The following LEMD2 variants were observed in gnomAD, a reference collection of about 807,000 sequenced individuals.
LEMD2 encodes the protein LEM domain nuclear envelope protein 2.
Under a neutral mutation model 58.8 loss-of-function variants are expected in LEMD2, and 34 were observed. That is an observed-to-expected ratio of 0.58 (90% CI 0.44 to 0.77). The LOEUF is 0.77. LEMD2 is among the 30% of genes least tolerant of loss of function. The pLI is 0.00. For synonymous variants in LEMD2, 298 were observed against 308.9 expected, an observed-to-expected ratio of 0.96 and a Z score of 0.37; for missense variants, 629 against 717.9, an observed-to-expected ratio of 0.88 and a Z score of 1.42.
Position 33,781,157 on chromosome 6 carries a change from G to A in LEMD2, c.854-4C>T. The A allele has an allele frequency of 6.3e-7, 1 of 1,589,908 alleles. No homozygotes were observed. The highest frequency in any genetic ancestry group is 1.1e-5 in the South Asian group (1 of 89,934). On this transcript the variant is annotated splice_polypyrimidine_tract_variant and splice_region_variant and intron_variant, in intron 3 of 8. Transcript: ENST00000293760. ...GGATTTCCACACTCAAAATTACCTA[G>A]GAGAAAAAAAACCACACATGCTCAA...
At position 33,788,456 on chromosome 6, in the gene LEMD2, GCCC is replaced by G. The variant is rs1561929027; in HGVS notation, c.658_660del (p.Gly220del). 1.3e-6 allele frequency: 2 copies of G among 1,572,666 alleles called. No individual in the cohort carries two copies. The highest frequency in any genetic ancestry group is 8.6e-7 in the Non-Finnish European group (1 of 1,160,488). The stretch of plus-strand genomic sequence containing the variant: ...AGGATGCCCAGGAAGACGAGCAGTA[GCCC>G]TAGGCTGGCCCAGAGCAGAAGCCGA... On this transcript the variant is annotated inframe_deletion, in exon 1 of 9. Coordinates refer to ENST00000293760, the MANE Select transcript of LEMD2 (RefSeq NM_181336.4).
intron 2 of LEMD2, among the ~76,000 whole-genome samples, chr6:33,785,163 G>A (rs141863508): frequency 9.0e-4 from 137 of 152,248 alleles, no homozygotes; most frequent in African/African-American, 1.1e-3. Flanking sequence ...TCAAATGCCC[G>A]TCTGTGATCT....
chr6:33,779,907 G>C, intron 5 of LEMD2, 193 bp downstream of exon 5: 1 of 557,324 alleles, frequency 1.8e-6, no homozygotes, highest in Non-Finnish European at 3.2e-6. Flanking sequence ...TCTTGAAGCT[G>C]CTCCTTACAC....
intron 2 of LEMD2, chr6:33,784,703 G>C (rs936506315): frequency 1.1e-4 from 41 of 363,032 alleles, no homozygotes; most frequent in Non-Finnish European, 2.1e-5. Flanking sequence ...CCTGGCTCCT[G>C]CCTTTCCCTT....
At chr6:33,780,679 C>G (rs1392163044) in intron 4 of LEMD2, among the ~76,000 whole-genome samples, 2 of 152,218 alleles carry the variant, frequency 1.3e-5, no homozygotes, top group Non-Finnish European at 2.9e-5. Flanking sequence ...GTTCTATAAT[C>G]TACCATCCTG....
intron 8 of LEMD2, among the ~76,000 whole-genome samples, chr6:33,775,486 T>C (rs1767409085): frequency 6.6e-6 from 1 of 152,048 alleles, no homozygotes; most frequent in African/African-American, 2.4e-5. Flanking sequence ...CCCACTAATA[T>C]CTATTTTTTG....
rs1767487079 is a variant in LEMD2, at chr6:33,778,395, A to G, written c.1011-8T>C. ...TGGTCTTCTCCTTTCAACCTGAAAC[A>G]GGACACAGGGCTCTGAACATGTTGG... On this transcript the variant is annotated splice_polypyrimidine_tract_variant and splice_region_variant and intron_variant, in intron 5 of 8. Coordinates refer to ENST00000293760, the MANE Select transcript of LEMD2 (RefSeq NM_181336.4). This position sits in a 1 kb window ranked among gnomAD's most constrained non-coding sequence, Gnocchi z 4.7. 6.5e-7 allele frequency: 1 copy of G among 1,535,506 alleles called. No individual in the cohort carries two copies. The highest frequency in any genetic ancestry group is 8.8e-7 in the Non-Finnish European group (1 of 1,136,348).
At position 33,772,622 on chromosome 6, in the gene LEMD2, C is replaced by T. The variant is rs369260109; in HGVS notation, c.*6G>A. On this transcript the variant is annotated 3_prime_UTR_variant, in exon 9 of 9. Coordinates refer to ENST00000293760, the MANE Select transcript of LEMD2 (RefSeq NM_181336.4). ...GGCTGACCGGGAACAAGTCCCCGCC[C>T]GGGGCTTATCGCTCTGAGTCAGAGA... The T allele has an allele frequency of 4.7e-5, 76 of 1,612,078 alleles. No homozygotes were observed. The African/African-American group carries it at 5.7e-4, about 12-fold the overall frequency.
At position 33,778,156 on chromosome 6, in the gene LEMD2, G is replaced by A. The variant is rs574198358; in HGVS notation, c.1156+86C>T. 59 of 1,342,216 alleles carry A rather than the reference G, an allele frequency of 4.4e-5. 1 individual carries two copies. The highest frequency in any genetic ancestry group is 2.0e-4 in the Middle Eastern group (1 of 4,886). 83.1% of individuals were successfully genotyped at this position (1,342,216 alleles called of 1,614,324 possible). The stretch of plus-strand genomic sequence containing the variant: ...TTCACTAGACAGAAATGAACCCTCC[G>A]GGCCTGGAATTTCTATAGCTCATCA... On this transcript the variant is annotated intron_variant, in intron 6 of 8. Coordinates refer to ENST00000293760, the MANE Select transcript of LEMD2 (RefSeq NM_181336.4). The surrounding 1 kb of genome is among the most constrained non-coding windows in gnomAD (Gnocchi z 4.7).
At chr6:33,783,674 A>G (rs1257004656) in intron 3 of LEMD2, among the ~76,000 whole-genome samples, 1 of 152,224 alleles carries the variant, frequency 6.6e-6, no homozygotes, top group Non-Finnish European at 1.5e-5. Flanking sequence ...TAACTTCACC[A>G]AATAAAACAG....
At position 33,771,307 on chromosome 6, in the gene LEMD2, T is replaced by A. The variant is rs1470923124; in HGVS notation, c.*1321A>T. On this transcript the variant is annotated 3_prime_UTR_variant, in exon 9 of 9. Coordinates refer to ENST00000293760, the MANE Select transcript of LEMD2 (RefSeq NM_181336.4). ...CTTATTTTTCTGGCTGGAGCCTGAT[T>A]ATGAGAACATGGCCTCACCACGGGG... The A allele has an allele frequency of 6.6e-6, 1 of 152,248 alleles. No individual in the cohort carries two copies. Among genetic ancestry groups the A allele is most frequent in the Non-Finnish European group, 1.5e-5 (1 of 68,054 alleles). The allele number at this position is 152,248 out of a possible 1,614,324, so 9.4% of individuals were successfully genotyped here.
In LEMD2 at chr6:33,788,439, C is replaced by T. The variant is rs746117691; in HGVS notation, c.678G>A (p.Leu226=). Residue 226 remains leucine, a synonymous_variant, in exon 1 of 9, where the codon CTG becomes CTA. Transcript: ENST00000293760. ...TGCCCATCTTCACCCAAAGGATGCC[C>T]AGGAAGACGAGCAGTAGCCCTAGGC... ...WASLGLLLVF[L]GILWVKMGKP... is the part of the protein sequence containing the mutation. The T allele has an allele frequency of 6.3e-7, 1 of 1,584,378 alleles. No individual in the cohort carries two copies. Among genetic ancestry groups the T allele is most frequent in the Admixed American group, 1.8e-5 (1 of 56,576 alleles).
Position 33,788,497 on chromosome 6 carries a change from T to TCCAGCCGGCGCCCCA in LEMD2, c.605_619dup (p.Val202_Leu206dup). 1.3e-6 allele frequency: 2 copies of TCCAGCCGGCGCCCCA among 1,543,550 alleles called. No individual in the cohort carries two copies. Among genetic ancestry groups the TCCAGCCGGCGCCCCA allele is most frequent in the Non-Finnish European group, 1.7e-6 (2 of 1,145,428 alleles). On this transcript the variant is annotated inframe_insertion, in exon 1 of 9. Coordinates refer to ENST00000293760, the MANE Select transcript of LEMD2 (RefSeq NM_181336.4). ...GAGCAGAAGCCGAGAGAGCCAGCGC[T>TCCAGCCGGCGCCCCA]CCAGCCGGCGCCCCACCTCAGGCCG...
Position 33,789,059 on chromosome 6 carries a change from G to A in LEMD2, c.58C>T (p.Pro20Ser), listed in dbSNP as rs1387527641. 7.7e-6 allele frequency: 12 copies of A among 1,553,016 alleles called. No homozygotes were observed. The highest frequency in any genetic ancestry group is 1.0e-5 in the Non-Finnish European group (12 of 1,157,892). The change falls in exon 1 of 9, where the codon CCA (proline) becomes TCA (serine). Residue 20 changes from proline to serine, a missense_variant. Pro to Ser is a moderately conservative substitution (Grantham distance 74). Around this residue, in one of 2 missense-constraint regions of LEMD2, gnomAD observed 386 missense variants for 381.1 expected, o/e 1.01. Coordinates refer to ENST00000293760, the MANE Select transcript of LEMD2 (RefSeq NM_181336.4). ...CGGGTGGTGTCGGTGATGGGTCCTG[G>A]CTGGAAGCCCAGGGCCTGCAGCTCC... is the stretch of plus-strand genomic sequence containing the variant. The part of the protein sequence containing the change: ...RRELQALGFQ[P>S]GPITDTTRDV...
chr6:33,788,879 C>A lies in LEMD2; in HGVS notation c.238G>T (p.Ala80Ser). ...CAGGGCTCCGCCCGCGGAGAGGCCG[C>A]GGCGGGCCGGGCGCGCAGCGGCGCA... ...EDAPLRARPA[A>S]ASPRAEPWLS... Residue 80 changes from alanine to serine, a missense_variant, in exon 1 of 9, where the codon GCG (alanine) becomes TCG (serine). Coordinates refer to ENST00000293760, the MANE Select transcript of LEMD2 (RefSeq NM_181336.4). The A allele has an allele frequency of 7.3e-7, 1 of 1,375,848 alleles. No individual in the cohort carries two copies. 85.2% of individuals were successfully genotyped at this position (1,375,848 alleles called of 1,614,324 possible).
intron 2 of LEMD2, among the ~76,000 whole-genome samples, 193 bp downstream of exon 2, chr6:33,786,541 A>G (rs780021874): frequency 1.2e-4 from 19 of 152,338 alleles, no homozygotes; most frequent in South Asian, 4.1e-4. Flanking sequence ...TTGGGAGGTC[A>G]ATTCTATTTC....
intron 1 of LEMD2, 58 bp downstream of exon 1, chr6:33,788,323 G>T: frequency 6.8e-7 from 1 of 1,478,430 alleles, no homozygotes; most frequent in Non-Finnish European, 9.0e-7. Context: ...GGAACGGGGG[G>T]TCCTCCGGCG....
At chr6:33,775,552 CA>C in intron 8 of LEMD2, among the ~76,000 whole-genome samples, 1 of 152,256 alleles carries the variant, frequency 6.6e-6, no homozygotes, top group East Asian at 1.9e-4. Flanking sequence ...TGGGCTCAAG[CA>C]ATCCTCCCAC....
In LEMD2 at chr6:33,771,221, TAATA is replaced by T. The variant is rs1767281153; in HGVS notation, c.*1403_*1406del. The T allele has an allele frequency of 2.0e-5, 3 of 152,376 alleles. No individual in the cohort carries two copies. The highest frequency in any genetic ancestry group is 6.5e-5 in the Admixed American group (1 of 15,308). 9.4% of individuals were successfully genotyped at this position (152,376 alleles called of 1,614,324 possible). ...ACCATGGGCAAGAAACATCCGTTTT[TAATA>T]AATAGTTTATTCATCCAGCAGTTTC... On this transcript the variant is annotated 3_prime_UTR_variant, in exon 9 of 9. Coordinates refer to ENST00000293760, the MANE Select transcript of LEMD2 (RefSeq NM_181336.4).
Sources: gnomAD v4.1 joint callset for allele counts (sites outside exome capture counted in the v4.1 genomes callset) on GRCh38, gnomAD v4.1.1 for gene constraint, gnomAD v4.1.1 regional missense constraint, Gnocchi (gnomAD v3.1) non-coding constraint, MANE v1.5 for transcripts, NCBI Gene and HGNC (gene_info 2026-07-23, HGNC 2026-07-21) for gene names.